The following FOXN3 variants were observed in gnomAD, a reference collection of about 807,000 sequenced individuals.
The protein encoded by FOXN3 is forkhead box protein N3.
In FOXN3, 7 loss-of-function variants were observed where a neutral mutation model predicts 38.4. The ratio of observed to expected loss-of-function variants is 0.18; its 90% confidence interval spans 0.10 to 0.34. The LOEUF is 0.34. Ranked by LOEUF, FOXN3 falls within the 10% of genes least tolerant of loss-of-function variation. The pLI, the probability that FOXN3 is intolerant of heterozygous loss-of-function variation, is 1.00. For missense variants in FOXN3, 456 were observed against 613.4 expected (o/e 0.74, Z 2.71); for synonymous variants, 230 against 242.2 (o/e 0.95, Z 0.47).
intron 1 of FOXN3, among the ~76,000 whole-genome samples, chr14:89,455,540 G>A (rs1205085593): frequency 6.6e-6 from 1 of 152,208 alleles, no homozygotes; most frequent in African/African-American, 2.4e-5. Context: ...GCCTGCAGCA[G>A]CCACTGGAGT....
chr14:89,466,415 T>C (rs1428931958), intron 1 of FOXN3, among the ~76,000 whole-genome samples: 1 of 152,190 alleles, frequency 6.6e-6, no homozygotes, highest in African/African-American at 2.4e-5. Context: ...ATGCAGGGAA[T>C]ATGTTTTTCG....
intron 1 of FOXN3, among the ~76,000 whole-genome samples, chr14:89,501,145 G>A (rs1893792760): frequency 2.0e-5 from 3 of 152,144 alleles, no homozygotes; most frequent in South Asian, 4.1e-4. Context: ...CTAAATCTGA[G>A]GAAATGTTCA....
chr14:89,436,558 T>A (rs1380381171), intron 1 of FOXN3, among the ~76,000 whole-genome samples: 1 of 152,178 alleles, frequency 6.6e-6, no homozygotes, highest in Non-Finnish European at 1.5e-5. Flanking sequence ...GCCAGAGGCA[T>A]GGGGTTCGTC....
intron 3 of FOXN3, among the ~76,000 whole-genome samples, chr14:89,306,369 T>C (rs1887376188): frequency 6.6e-6 from 1 of 151,890 alleles, no homozygotes. Flanking sequence ...GGTTCTCTTT[T>C]TTTTTTTTGA....
At chr14:89,604,206 A>AACAC (rs58288291) in intron 1 of FOXN3, among the ~76,000 whole-genome samples, 4,890 of 146,836 alleles carry the variant, frequency 0.033, 99 homozygotes, top group Non-Finnish European at 0.043. Flanking sequence ...AGCAAAACAA[A>AACAC]ACACACACAC....
chr14:89,478,931 C>CAAAAAAAAAAAAAAAAA, intron 1 of FOXN3, among the ~76,000 whole-genome samples: 2 of 54,200 alleles, frequency 3.7e-5, no homozygotes, highest in Non-Finnish European at 7.0e-5. Context: ...GACTCCATCT[C>CAAAAAAAAAAAAAAAAA]AAAAAAAAAA....
intron 1 of FOXN3, among the ~76,000 whole-genome samples, chr14:89,487,378 T>C (rs189366015): frequency 2.0e-5 from 3 of 152,300 alleles, no homozygotes; most frequent in African/African-American, 7.2e-5. Flanking sequence ...ATTAATTAGA[T>C]CGGCGGTTCC....
At chr14:89,205,359 G>A (rs1394420634) in intron 4 of FOXN3, among the ~76,000 whole-genome samples, 1 of 152,126 alleles carries the variant, frequency 6.6e-6, no homozygotes, top group Non-Finnish European at 1.5e-5. Flanking sequence ...AGAAGGGCGG[G>A]GTCCCTGGCG....
At chr14:89,402,778 A>T (rs1891285319) in intron 2 of FOXN3, among the ~76,000 whole-genome samples, 1 of 152,188 alleles carries the variant, frequency 6.6e-6, no homozygotes. Context: ...GAGAAGAGGG[A>T]ATGTGCGTCT....
chr14:89,415,548 T>C (rs552980770), intron 1 of FOXN3, among the ~76,000 whole-genome samples: 6 of 131,570 alleles, frequency 4.6e-5, no homozygotes, highest in African/African-American at 1.4e-4. Context: ...ACCAACAGGG[T>C]GAAGAGCTGC....
chr14:89,272,185 G>A (rs1029274980), intron 4 of FOXN3, among the ~76,000 whole-genome samples: 15 of 152,038 alleles, frequency 9.9e-5, no homozygotes, highest in African/African-American at 3.4e-4. Context: ...GGTGGCACGC[G>A]TCTCTAATCC....
chr14:89,227,206 C>T lies in FOXN3; in HGVS notation c.746-46400G>A, dbSNP rs561027014. Among the ~76,000 whole-genome samples, 103 of 152,258 alleles carry T rather than the reference C, an allele frequency of 6.8e-4. 1 individual carries two copies. The South Asian group carries it at 0.02, about 30-fold the overall frequency. On this transcript the variant is annotated intron_variant, in intron 4 of 5. Transcript: ENST00000557258. ...GTCAACATGCTGGTACCCCTCAGCACCCATGAAGGAGGAATTTTAAGCTGT... is the reference window on the plus strand; with the variant it reads ...GTCAACATGCTGGTACCCCTCAGCATCCATGAAGGAGGAATTTTAAGCTGT...
At chr14:89,564,899 C>G (rs1895320336) in intron 1 of FOXN3, among the ~76,000 whole-genome samples, 1 of 151,828 alleles carries the variant, frequency 6.6e-6, no homozygotes, top group South Asian at 2.1e-4. Context: ...TCGAGACCAG[C>G]CTGGCCATCA....
chr14:89,523,518 T>C (rs1471912762), intron 1 of FOXN3, among the ~76,000 whole-genome samples: 1 of 152,142 alleles, frequency 6.6e-6, no homozygotes, highest in African/African-American at 2.4e-5. Flanking sequence ...CACAACAGAA[T>C]CAAATTAGAA....
intron 3 of FOXN3, among the ~76,000 whole-genome samples, chr14:89,328,190 C>G (rs1386086435): frequency 6.6e-6 from 1 of 152,252 alleles, no homozygotes; most frequent in Non-Finnish European, 1.5e-5. Flanking sequence ...GGTGTACGCT[C>G]TGATGACAGG....
chr14:89,520,175 A>C (rs1217496112), intron 1 of FOXN3, among the ~76,000 whole-genome samples: 4 of 151,454 alleles, frequency 2.6e-5, no homozygotes, highest in African/African-American at 7.3e-5. Flanking sequence ...CTCGACGTCC[A>C]GTGACATTTT....
chr14:89,496,686 G>A (rs1233815214), intron 1 of FOXN3, among the ~76,000 whole-genome samples: 1 of 152,172 alleles, frequency 6.6e-6, no homozygotes, highest in Non-Finnish European at 1.5e-5. Context: ...ACTTTTAAGT[G>A]TATAGTTCAG....
At chr14:89,183,694 A>AG (rs11390612) in intron 4 of FOXN3, among the ~76,000 whole-genome samples, 129,710 of 152,156 alleles carry the variant, frequency 0.85, 55,493 homozygotes, top group African/African-American at 0.88. Context: ...AATGTGCTCA[A>AG]GAACTAAAAG....
intron 1 of FOXN3, among the ~76,000 whole-genome samples, chr14:89,506,502 G>A (rs947085281): frequency 2.0e-4 from 29 of 146,508 alleles, no homozygotes; most frequent in Admixed American, 6.1e-4. Flanking sequence ...GGAGGGAGGT[G>A]GGGGGGTCAG....
Sources: gnomAD v4.1 joint callset for allele counts (sites outside exome capture counted in the v4.1 genomes callset) on GRCh38, gnomAD v4.1.1 for gene constraint, MANE v1.5 for transcripts, NCBI Gene and HGNC (gene_info 2026-07-23, HGNC 2026-07-21) for gene names.